Variants in SORBS2 observed in about 807,000 individuals in gnomAD.
The protein encoded by SORBS2 is sorbin and SH3 domain containing 2.
In SORBS2, 46 loss-of-function variants were observed where a neutral mutation model predicts 97.7. The ratio of observed to expected loss-of-function variants is 0.47; its 90% CI spans 0.37 to 0.60. SORBS2 has a LOEUF of 0.60. Ranked by LOEUF, SORBS2 falls within the 20% of genes least tolerant of loss-of-function variation. SORBS2 has a pLI of 0.00. For synonymous variants in SORBS2, 476 were observed against 473.4 expected (o/e 1.01, Z -0.07); for missense variants, 1,316 against 1,282.3 (o/e 1.03, Z -0.40).
intron 2 of SORBS2, among the ~76,000 whole-genome samples, 160 bp downstream of exon 10, chr4:185,652,502 G>T (rs1016801770): frequency 1.8e-4 from 27 of 152,194 alleles, no homozygotes; most frequent in African/African-American, 6.5e-4. Context: ...ATCTGTCACC[G>T]GAGGGGTGAC....
intron 1 of SORBS2, among the ~76,000 whole-genome samples, chr4:185,925,320 G>C (rs188201961): frequency 9.9e-5 from 15 of 152,232 alleles, no homozygotes; most frequent in African/African-American, 3.6e-4. Flanking sequence ...CATTGTCTTA[G>C]AGTCCTAGCC....
At chr4:185,699,895 A>G (rs2098235072) in intron 2 of SORBS2, among the ~76,000 whole-genome samples, 2 of 152,152 alleles carry the variant, frequency 1.3e-5, no homozygotes, top group Non-Finnish European at 2.9e-5. Context: ...AATTCTTTAC[A>G]TTTCTCTATG....
chr4:185,767,449 G>A (rs1179339592), intron 2 of SORBS2, among the ~76,000 whole-genome samples: 2 of 136,338 alleles, frequency 1.5e-5, no homozygotes, highest in Non-Finnish European at 3.1e-5. Context: ...GCAGTGAGCC[G>A]AGATCGCGCC....
At chr4:185,927,141 CATACAACA>C (rs1490415195) in intron 1 of SORBS2, among the ~76,000 whole-genome samples, 3 of 148,474 alleles carry the variant, frequency 2.0e-5, no homozygotes, top group African/African-American at 7.4e-5. Flanking sequence ...TATATTCTTA[CATACAACA>C]ATACATTTAC....
intron 6 of SORBS2, 63 bp from the exon 19 acceptor site, chr4:185,624,557 AGAG>A: frequency 6.7e-7 from 1 of 1,496,396 alleles, no homozygotes; most frequent in Non-Finnish European, 8.9e-7. Context: ...GTTCACAAAG[AGAG>A]GAGAGCATGT....
chr4:185,740,864 C>A (rs1009961047), intron 2 of SORBS2, among the ~76,000 whole-genome samples: 6 of 152,074 alleles, frequency 3.9e-5, no homozygotes, highest in African/African-American at 1.4e-4. Flanking sequence ...TCAGCACCAA[C>A]TCGAACCAGC....
At chr4:185,759,902 CCA>C (rs2153608565) in intron 2 of SORBS2, among the ~76,000 whole-genome samples, 1 of 152,232 alleles carries the variant, frequency 6.6e-6, no homozygotes, top group South Asian at 2.1e-4. Flanking sequence ...ATAATCTAAG[CCA>C]ACGTTAGCAA....
chr4:185,793,952 G>A (rs1412377794), intron 1 of SORBS2, among the ~76,000 whole-genome samples: 1 of 152,212 alleles, frequency 6.6e-6, no homozygotes, highest in African/African-American at 2.4e-5. Flanking sequence ...GCTCCTGCCT[G>A]GCCTGCCCCT....
chr4:185,753,698 A>T (rs912802115), intron 2 of SORBS2, among the ~76,000 whole-genome samples: 4 of 152,236 alleles, frequency 2.6e-5, no homozygotes, highest in African/African-American at 9.6e-5. Flanking sequence ...ACATACATGT[A>T]ATTTAAATGC....
chr4:185,880,492 GA>G (rs1561263400), intron 1 of SORBS2, among the ~76,000 whole-genome samples: 1 of 152,088 alleles, frequency 6.6e-6, no homozygotes, highest in African/African-American at 2.4e-5. Context: ...TGGTGTCTTG[GA>G]AAAAACAGTG....
At chr4:185,943,921 C>A (rs2099273308) in intron 1 of SORBS2, among the ~76,000 whole-genome samples, 2 of 152,168 alleles carry the variant, frequency 1.3e-5, no homozygotes, top group African/African-American at 4.8e-5. Context: ...AGTACAGCAA[C>A]ATGTTAATAA....
At chr4:185,696,963 G>A (rs569457066) in intron 2 of SORBS2, among the ~76,000 whole-genome samples, 1 of 152,278 alleles carries the variant, frequency 6.6e-6, no homozygotes, top group East Asian at 1.9e-4. Context: ...GATCTCATAA[G>A]TCAGGCACCT....
At chr4:185,925,149 T>C (rs182683833) in intron 1 of SORBS2, among the ~76,000 whole-genome samples, 1 of 152,368 alleles carries the variant, frequency 6.6e-6, no homozygotes, top group East Asian at 1.9e-4. Flanking sequence ...GACATTCTCA[T>C]TGTTATATTA....
At chr4:185,877,001 T>C (rs2099234046) in intron 1 of SORBS2, among the ~76,000 whole-genome samples, 1 of 152,254 alleles carries the variant, frequency 6.6e-6, no homozygotes. Context: ...AGCCTTTTTC[T>C]GATTTTGAAA....
chr4:185,950,294 T>C (rs997995463), intron 1 of SORBS2, among the ~76,000 whole-genome samples: 26 of 151,786 alleles, frequency 1.7e-4, no homozygotes, highest in African/African-American at 6.0e-4. Flanking sequence ...TAAAGTAACA[T>C]TGGGCTACAG....
intron 8 of SORBS2, among the ~76,000 whole-genome samples, chr4:185,619,432 C>A (rs545496394): frequency 6.6e-6 from 1 of 152,134 alleles, no homozygotes; most frequent in South Asian, 2.1e-4. Flanking sequence ...CTACATCAGA[C>A]GCCTATAAGA....
At chr4:185,954,076 T>G (rs1315400587) in intron 1 of SORBS2, among the ~76,000 whole-genome samples, 1 of 152,266 alleles carries the variant, frequency 6.6e-6, no homozygotes, top group Non-Finnish European at 1.5e-5. Context: ...GTTCTTTTTA[T>G]TCTTTCTTTA....
At position 185,605,359 on chromosome 4, in the gene SORBS2, T is replaced by A. The variant is rs57695151; in HGVS notation, c.2796+6421A>T. ...GTGCAGTGGCACAACTTCAGTTCAC[T>A]GCAACCTCCGCCTCCCGGTTTGAAG... On this transcript the variant is annotated intron_variant, in intron 12 of 14. Transcript: ENST00000418609. Among the ~76,000 whole-genome samples, 942 of 152,374 alleles carry A rather than the reference T, an allele frequency of 6.2e-3. 11 individuals carry two copies. Among genetic ancestry groups the A allele is most frequent in the African/African-American group, 0.022 (895 of 41,578 alleles).
intron 1 of SORBS2, among the ~76,000 whole-genome samples, chr4:185,800,839 G>A (rs1238662079): frequency 6.6e-6 from 1 of 152,158 alleles, no homozygotes; most frequent in Non-Finnish European, 1.5e-5. Flanking sequence ...CTTTGATACA[G>A]GCATGCACTG....
Sources: gnomAD v4.1 joint callset for allele counts (sites outside exome capture counted in the v4.1 genomes callset) on GRCh38, gnomAD v4.1.1 for gene constraint, MANE v1.5 for transcripts, NCBI Gene and HGNC (gene_info 2026-07-23, HGNC 2026-07-21) for gene names.